Variants in GALK2 observed in about 807,000 individuals in gnomAD.
GALK2 encodes galactokinase 2.
GALK2 carries 36 observed loss-of-function variants against 52.4 expected under a neutral mutation model. The ratio of observed to expected loss-of-function variants is 0.69; its 90% confidence interval spans 0.53 to 0.91. The LOEUF (loss-of-function observed/expected upper bound fraction) is 0.91. Ranked by LOEUF, GALK2 falls within the 40% of genes least tolerant of loss-of-function variation. The probability of loss-of-function intolerance (pLI) is 0.00; values close to 1 mark genes in which losing one functional copy is unlikely to be tolerated. For missense variants in GALK2, 579 were observed against 559.1 expected (o/e 1.04, Z -0.36); for synonymous variants, 176 against 199.1 (o/e 0.88, Z 0.98).
At chr15:49,354,901 G>C (rs936560799) in intron 3 of GALK2, among the ~76,000 whole-genome samples, 2 of 152,158 alleles carry the variant, frequency 1.3e-5, no homozygotes, top group Middle Eastern at 3.4e-3. Flanking sequence ...CTGAGAACGG[G>C]CAGACTGCCT....
chr15:49,353,374 T>A (rs1310769882), intron 3 of GALK2: 2 of 152,162 alleles, frequency 1.3e-5, no homozygotes, highest in Admixed American at 1.3e-4. Context: ...GTGTCTCTGT[T>A]TTTCCTCTTT....
At chr15:49,176,715 T>TA (rs1181257774) in intron 1 of GALK2, among the ~76,000 whole-genome samples, 1 of 152,188 alleles carries the variant, frequency 6.6e-6, no homozygotes, top group Admixed American at 6.5e-5. Context: ...TTTAGGTAAT[T>TA]ACTGCATTAA....
At chr15:49,216,897 T>C (rs2089421826) in intron 2 of GALK2, among the ~76,000 whole-genome samples, 1 of 152,208 alleles carries the variant, frequency 6.6e-6, no homozygotes, top group Non-Finnish European at 1.5e-5. Context: ...CTGTCTTTCC[T>C]GTCCTCTTCA....
chr15:49,277,158 T>A (rs1166225803), intron 5 of GALK2, among the ~76,000 whole-genome samples: 15 of 23,460 alleles, frequency 6.4e-4, no homozygotes, highest in African/African-American at 4.1e-3. Context: ...TTTTTTTTTT[T>A]TTTTTTTTTT....
intron 3 of GALK2, chr15:49,366,806 C>A: frequency 1.8e-6 from 1 of 559,644 alleles, no homozygotes; most frequent in Non-Finnish European, 3.1e-6. Context: ...ATCGCCGCTG[C>A]TGCAGGGGCC....
At chr15:49,241,639 G>T (rs952206958) in intron 5 of GALK2, among the ~76,000 whole-genome samples, 5 of 152,214 alleles carry the variant, frequency 3.3e-5, no homozygotes, top group Non-Finnish European at 5.9e-5. Flanking sequence ...AAGTGGTAAA[G>T]TTCAGTGGAT....
At chr15:49,357,456 C>T (rs1451698431) in intron 3 of GALK2, among the ~76,000 whole-genome samples, 1 of 152,010 alleles carries the variant, frequency 6.6e-6, no homozygotes, top group African/African-American at 2.4e-5. Flanking sequence ...ACTACAAACA[C>T]CTCTATGCAA....
intron 3 of GALK2, among the ~76,000 whole-genome samples, chr15:49,226,896 T>TGAGGA (rs1332667831): frequency 6.6e-6 from 1 of 152,246 alleles, no homozygotes; most frequent in African/African-American, 2.4e-5. Context: ...TATCACAAGT[T>TGAGGA]CCTCTTTTTA....
chr15:49,258,339 T>A (rs982608045), intron 5 of GALK2, among the ~76,000 whole-genome samples: 14 of 152,026 alleles, frequency 9.2e-5, no homozygotes, highest in African/African-American at 3.4e-4. Flanking sequence ...GCAGGGGGTA[T>A]TAGTATATTT....
chr15:49,354,828 T>G (rs2042847406), intron 3 of GALK2, among the ~76,000 whole-genome samples: 2 of 151,884 alleles, frequency 1.3e-5, no homozygotes, highest in African/African-American at 4.8e-5. Flanking sequence ...CTCTGCAGAC[T>G]TAAATGTCCC....
chr15:49,252,261 G>A lies in GALK2; in HGVS notation c.504+12894G>A, dbSNP rs573115193. Among the ~76,000 whole-genome samples the A allele has an allele frequency of 2.6e-5, 4 of 151,832 alleles. No homozygotes were observed. The East Asian group carries it at 7.7e-4, about 29-fold the overall frequency. On this transcript the variant is annotated intron_variant, in intron 5 of 9. Coordinates refer to ENST00000560031, the MANE Select transcript of GALK2 (RefSeq NM_002044.4). ...AGTCTGGGTGACAGAGTAAGACTTC[G>A]TCTCAAAAAAAAAATTATACACACA...
intron 5 of GALK2, among the ~76,000 whole-genome samples, chr15:49,269,774 A>C (rs1200315731): frequency 1.3e-5 from 2 of 152,210 alleles, no homozygotes; most frequent in African/African-American, 4.8e-5. Context: ...TAGTGATCTC[A>C]CTGCTTCACA....
At chr15:49,355,917 G>A (rs2043079480) in intron 3 of GALK2, among the ~76,000 whole-genome samples, 2 of 152,060 alleles carry the variant, frequency 1.3e-5, no homozygotes, top group East Asian at 3.9e-4. Context: ...CAAGCCAGAA[G>A]AGAGTGGGGG....
intron 9 of GALK2, among the ~76,000 whole-genome samples, chr15:49,321,957 T>A (rs910540748): frequency 2.0e-5 from 3 of 152,154 alleles, no homozygotes; most frequent in Non-Finnish European, 4.4e-5. Context: ...GGGCTGGAAG[T>A]GAGGAAGCTT....
At chr15:49,216,565 A>G (rs980742907) in intron 2 of GALK2, among the ~76,000 whole-genome samples, 1 of 152,228 alleles carries the variant, frequency 6.6e-6, no homozygotes, top group Non-Finnish European at 1.5e-5. Flanking sequence ...AGGCCGGTGC[A>G]GTACCAGGGC....
chr15:49,318,530 G>A (rs1436429638), intron 8 of GALK2, among the ~76,000 whole-genome samples: 4 of 151,932 alleles, frequency 2.6e-5, no homozygotes, highest in African/African-American at 9.7e-5. Flanking sequence ...TCTGAGTTTT[G>A]ATAGCAGTAA....
intron 1 of GALK2, among the ~76,000 whole-genome samples, chr15:49,197,399 A>G (rs1246798028): frequency 6.6e-6 from 1 of 152,142 alleles, no homozygotes; most frequent in Non-Finnish European, 1.5e-5. Context: ...ATTATTTTAT[A>G]CAGGTTGAGT....
intron 3 of GALK2, among the ~76,000 whole-genome samples, chr15:49,220,666 G>A (rs1339930910): frequency 6.6e-6 from 1 of 152,082 alleles, no homozygotes; most frequent in East Asian, 1.9e-4. Context: ...CTACTGTTTT[G>A]TATAATGGCT....
At chr15:49,256,274 T>C (rs539199034) in intron 5 of GALK2, among the ~76,000 whole-genome samples, 7 of 152,302 alleles carry the variant, frequency 4.6e-5, no homozygotes, top group South Asian at 2.1e-4. Context: ...CAGTAGTATA[T>C]ATAACTGTAA....
Sources: gnomAD v4.1 joint callset for allele counts (sites outside exome capture counted in the v4.1 genomes callset) on GRCh38, gnomAD v4.1.1 for gene constraint, MANE v1.5 for transcripts, NCBI Gene and HGNC (gene_info 2026-07-23, HGNC 2026-07-21) for gene names.